MEP1B: variants seen among roughly 807,000 people sequenced by gnomAD.
MEP1B encodes the protein N-benzoyl-L-tyrosyl-P-amino-benzoic acid hydrolase subunit beta.
MEP1B carries 80 observed loss-of-function variants against 84.6 expected under a neutral mutation model. The ratio of observed to expected loss-of-function variants is 0.95; its 90% CI spans 0.79 to 1.14. MEP1B has a LOEUF of 1.14. Among genes scored for constraint, MEP1B ranks in the 50% most tolerant of loss-of-function variants. The pLI is 0.00. For missense variants in MEP1B, 766 were observed against 855.1 expected, an observed-to-expected ratio of 0.90 and a Z score of 1.30; for synonymous variants, 273 against 288.1, an observed-to-expected ratio of 0.95 and a Z score of 0.53.
At chr18:32,215,332 T>A in intron 12 of MEP1B, 71 bp downstream of exon 12, 4 of 997,040 alleles carry the variant, frequency 4.0e-6, no homozygotes, top group Non-Finnish European at 5.8e-6. Flanking sequence ...TTTCTGTTTT[T>A]CTTTCTGCAT....
At position 32,202,879 on chromosome 18, in the gene MEP1B, T is replaced by C. The variant is rs750432765; in HGVS notation, c.251-14T>C. 6.5e-7 allele frequency: 1 copy of C among 1,544,138 alleles called. No individual in the cohort carries two copies. Among genetic ancestry groups the C allele is most frequent in the Non-Finnish European group, 8.9e-7 (1 of 1,124,722 alleles). On this transcript the variant is annotated splice_polypyrimidine_tract_variant and intron_variant, in intron 5 of 14. Transcript: ENST00000269202. ...GTTTTAATAAGCTTATTTTTGTTTG[T>C]TTTCTTCCTTCAGAAATGAATGCTA...
At chr18:32,197,159 A>G (rs2040863919) in intron 5 of MEP1B, among the ~76,000 whole-genome samples, 1 of 152,224 alleles carries the variant, frequency 6.6e-6, no homozygotes, top group Non-Finnish European at 1.5e-5. Context: ...CATACAGTAA[A>G]TAATGTTATT....
chr18:32,205,022 T>G (rs1164124052), intron 7 of MEP1B, among the ~76,000 whole-genome samples: 1 of 152,112 alleles, frequency 6.6e-6, no homozygotes, highest in Non-Finnish European at 1.5e-5. Context: ...ATACATGCTT[T>G]TGGGGGGACA....
rs1184846248 is a variant in MEP1B at position 32,195,423 on chromosome 18, C to T, written c.188C>T (p.Ser63Phe). Residue 63 changes from serine (S) to phenylalanine (F), a missense_variant, in exon 5 of 15, where the codon TCC becomes TTC. Ser to Phe is a radical substitution (Grantham distance 155, BLOSUM62 -2). Transcript: ENST00000269202. Reference sequence around the variant, plus strand: ...TTTTGACAGGCACAAATTAGAAATTCCATCATTGGAGAAAAGTATAGATGG... The same window carrying T: ...TTTTGACAGGCACAAATTAGAAATTTCATCATTGGAGAAAAGTATAGATGG... ...IRLDRAQIRN[S>F]IIGEKYRWPH... is the part of the protein sequence containing the mutation. The T allele has an allele frequency of 4.3e-6, 7 of 1,611,320 alleles. No individual in the cohort carries two copies. In the South Asian group the frequency reaches 4.4e-5, roughly 10 times the overall value.
chr18:32,196,512 A>T lies in MEP1B; in HGVS notation c.250+1027A>T. ...TTTGCTCTCATAGACCGAGGTGATG[A>T]GGTGGTGGCCAAGGGCCACCTTGAG... On this transcript the variant is annotated intron_variant, in intron 5 of 14. Coordinates refer to ENST00000269202, the MANE Select transcript of MEP1B (RefSeq NM_005925.3). The surrounding 1 kb of genome is among the most constrained non-coding windows in gnomAD (Gnocchi z 4.4). 1.4e-6 allele frequency: 1 copy of T among 695,900 alleles called. No individual in the cohort carries two copies. The highest frequency in any genetic ancestry group is 2.6e-6 in the Non-Finnish European group (1 of 378,196). The allele number at this position is 695,900 out of a possible 1,614,324, so 43.1% of individuals were successfully genotyped here.
chr18:32,204,025 T>C (rs1179201167), intron 6 of MEP1B, among the ~76,000 whole-genome samples, 157 bp from the exon 7 acceptor site: 3 of 152,086 alleles, frequency 2.0e-5, no homozygotes, highest in African/African-American at 7.2e-5. Context: ...GTCCAAACTA[T>C]GTCACCTGGG....
Position 32,208,160 on chromosome 18 carries a change from G to A in MEP1B, c.808G>A (p.Glu270Lys). ...SFMDSCSFEL[E>K]NVCGMIQSSG... ...TATGGACTCGTGCAGTTTTGAACTG[G>A]AAAATGTGTGTGGCATGATCCAAAG... Residue 270 changes from glutamate (E) to lysine (K), a missense_variant, in exon 9 of 15, where the codon GAA (glutamate) becomes AAA (lysine). By Grantham distance (56) the Glu-to-Lys change is moderately conservative. Transcript: ENST00000269202. The A allele has an allele frequency of 6.2e-7, 1 of 1,613,922 alleles. No homozygotes were observed. Among genetic ancestry groups the A allele is most frequent in the Non-Finnish European group, 8.5e-7 (1 of 1,179,858 alleles).
intron 10 of MEP1B, among the ~76,000 whole-genome samples, chr18:32,212,368 T>G (rs1265294104): frequency 6.6e-6 from 1 of 152,220 alleles, no homozygotes; most frequent in Non-Finnish European, 1.5e-5. Flanking sequence ...ACCACTAGTT[T>G]GACATGAATT....
chr18:32,195,322 C>T, intron 4 of MEP1B, 85 bp from the exon 5 acceptor site: 1 of 834,442 alleles, frequency 1.2e-6, no homozygotes, highest in Non-Finnish European at 2.0e-6. Flanking sequence ...GAGCTTTAAA[C>T]TTCATTTATT....
At chr18:32,197,416 T>TG (rs1178835201) in intron 5 of MEP1B, among the ~76,000 whole-genome samples, 3 of 151,180 alleles carry the variant, frequency 2.0e-5, no homozygotes, top group South Asian at 2.1e-4. Flanking sequence ...TTTTTTTTTT[T>TG]TTGTTTTGAG....
chr18:32,196,857 C>G lies in MEP1B; in HGVS notation c.250+1372C>G. The G allele has an allele frequency of 1.9e-6, 1 of 531,828 alleles. No homozygotes were observed. The highest frequency in any genetic ancestry group is 3.5e-6 in the Non-Finnish European group (1 of 286,638). 32.9% of individuals were successfully genotyped at this position (531,828 alleles called of 1,614,324 possible). A position where few individuals can be genotyped will look rare whatever the true frequency, so the allele number is the denominator to read the frequency against. The stretch of plus-strand genomic sequence containing the variant: ...GCTTCTCAGGGCCTCTGCGTACTTG[C>G]CCATGATGTAGTGGAGGCGGGCAAG... On this transcript the variant is annotated intron_variant, in intron 5 of 14. Coordinates refer to ENST00000269202, the MANE Select transcript of MEP1B (RefSeq NM_005925.3). The surrounding 1 kb of genome is among the most constrained non-coding windows in gnomAD (Gnocchi z 4.4).
intron 5 of MEP1B, among the ~76,000 whole-genome samples, chr18:32,199,116 T>C (rs1035939285): frequency 1.3e-5 from 2 of 152,168 alleles, no homozygotes; most frequent in African/African-American, 4.8e-5. Flanking sequence ...GTTTTTGGCA[T>C]GCAGAATTTG....
chr18:32,204,142 T>C, intron 6 of MEP1B, 40 bp from the exon 7 acceptor site: 4 of 1,565,912 alleles, frequency 2.6e-6, no homozygotes, highest in Non-Finnish European at 3.5e-6. Flanking sequence ...CCTCAGATTG[T>C]AACATTCTCT....
chr18:32,193,282 A>G (rs148822438), intron 4 of MEP1B, among the ~76,000 whole-genome samples: 386 of 152,324 alleles, frequency 2.5e-3, no homozygotes, highest in African/African-American at 9.1e-3. Context: ...AAACCTATTC[A>G]TAAAGAGTGC....
chr18:32,216,105 C>T (rs918578617), intron 12 of MEP1B, among the ~76,000 whole-genome samples: 1 of 151,122 alleles, frequency 6.6e-6, no homozygotes, highest in Non-Finnish European at 1.5e-5. Flanking sequence ...TGCAGCAATT[C>T]TGGTGGTTTC....
At chr18:32,206,288 C>T (rs2040963573) in intron 7 of MEP1B, among the ~76,000 whole-genome samples, 1 of 152,160 alleles carries the variant, frequency 6.6e-6, no homozygotes, top group South Asian at 2.1e-4. Context: ...TTAATGACTC[C>T]TCTGTAGGAT....
At chr18:32,200,115 G>A (rs2040897461) in intron 5 of MEP1B, among the ~76,000 whole-genome samples, 1 of 151,890 alleles carries the variant, frequency 6.6e-6, no homozygotes, top group Non-Finnish European at 1.5e-5. Flanking sequence ...GAGGATAAGA[G>A]CTATTTTTCA....
intron 4 of MEP1B, among the ~76,000 whole-genome samples, chr18:32,193,398 T>A (rs2040822022): frequency 6.6e-6 from 1 of 152,178 alleles, no homozygotes; most frequent in Admixed American, 6.5e-5. Flanking sequence ...TTTTTTTCAG[T>A]GTTCTCTCAC....
At chr18:32,212,583 C>T (rs2144421542) in intron 10 of MEP1B, among the ~76,000 whole-genome samples, 1 of 152,222 alleles carries the variant, frequency 6.6e-6, no homozygotes, top group Non-Finnish European at 1.5e-5. Flanking sequence ...TGCTGAGTTA[C>T]TGGGAAGTGA....
Sources: gnomAD v4.1 joint callset for allele counts (sites outside exome capture counted in the v4.1 genomes callset) on GRCh38, gnomAD v4.1.1 for gene constraint, Gnocchi (gnomAD v3.1) non-coding constraint, MANE v1.5 for transcripts, NCBI Gene and HGNC (gene_info 2026-07-23, HGNC 2026-07-21) for gene names.